The following CHID1 variants were observed in gnomAD, a reference collection of about 807,000 sequenced individuals.
CHID1 encodes the protein chitinase domain containing 1, also known as chitinase domain-containing protein 1.
A neutral mutation model predicts 55.4 loss-of-function variants in CHID1; 44 were observed. That is an observed-to-expected ratio of 0.79 (90% CI 0.62 to 1.02). The LOEUF is 1.02. Among genes scored for constraint, CHID1 ranks in the 50% least tolerant of loss-of-function variants. CHID1 has a pLI of 0.00. For synonymous variants in CHID1, 216 were observed against 212.9 expected, an observed-to-expected ratio of 1.01 and a Z score of -0.13; for missense variants, 491 against 515.3, an observed-to-expected ratio of 0.95 and a Z score of 0.46.
intron 8 of CHID1, among the ~76,000 whole-genome samples, chr11:891,408 T>C (rs1192238266): frequency 6.6e-6 from 1 of 152,164 alleles, no homozygotes; most frequent in Non-Finnish European, 1.5e-5. Flanking sequence ...GTTGTGAGCT[T>C]TGGTTGCTGT....
intron 6 of CHID1, among the ~76,000 whole-genome samples, chr11:899,627 G>C (rs28545763): frequency 0.99 from 151,124 of 152,324 alleles, 74,980 homozygotes; most frequent in Middle Eastern, 1. Flanking sequence ...GCATTCTGCC[G>C]ACCCATGCAC....
chr11:898,447 G>A (rs777644833), intron 7 of CHID1, among the ~76,000 whole-genome samples: 3 of 152,240 alleles, frequency 2.0e-5, no homozygotes, highest in Non-Finnish European at 4.4e-5. Flanking sequence ...AGGCACCCGC[G>A]GTGGAGACCG....
chr11:897,662 G>T (rs1851472481), intron 7 of CHID1, among the ~76,000 whole-genome samples: 1 of 152,188 alleles, frequency 6.6e-6, no homozygotes, highest in Admixed American at 6.5e-5. Context: ...CCCCACTGCA[G>T]TGCGCCTCCC....
chr11:907,993 C>T (rs1296495201), intron 1 of CHID1, among the ~76,000 whole-genome samples: 2 of 152,356 alleles, frequency 1.3e-5, no homozygotes, highest in Non-Finnish European at 2.9e-5. Context: ...CCTGTCTCTT[C>T]CCTGGGTGAG....
At position 869,694 on chromosome 11, in the gene CHID1, AC is replaced by A. The variant is rs759798640; in HGVS notation, c.*163del. 1 of 649,916 alleles carries A rather than the reference AC, an allele frequency of 1.5e-6. No homozygotes were observed. Among genetic ancestry groups the A allele is most frequent in the South Asian group, 1.8e-5 (1 of 54,814 alleles). The allele number at this position is 649,916 out of a possible 1,614,324, so 40.3% of individuals were successfully genotyped here. On this transcript the variant is annotated 3_prime_UTR_variant, in exon 13 of 13. Coordinates refer to ENST00000323578, the MANE Select transcript of CHID1 (RefSeq NM_023947.4). ...CAGCTAGGACTCATCCAGGGCAGGG[AC>A]CCCTCATGGGAGGATGGGGAGTCAC...
At chr11:897,415 T>A (rs1204522221) in intron 7 of CHID1, among the ~76,000 whole-genome samples, 1 of 152,122 alleles carries the variant, frequency 6.6e-6, no homozygotes, top group East Asian at 1.9e-4. Flanking sequence ...CCAGGATTAG[T>A]GAGAAGGCTG....
chr11:907,935 C>G (rs986031891), intron 1 of CHID1, among the ~76,000 whole-genome samples: 1 of 152,194 alleles, frequency 6.6e-6, no homozygotes, highest in Non-Finnish European at 1.5e-5. Context: ...CTGAAACCGT[C>G]CCCTTGACCT....
At chr11:892,148 C>T (rs1324225831) in intron 8 of CHID1, among the ~76,000 whole-genome samples, 2 of 152,068 alleles carry the variant, frequency 1.3e-5, no homozygotes, top group African/African-American at 4.8e-5. Context: ...AAAGACGCAG[C>T]GTGGGGGCCC....
intron 8 of CHID1, among the ~76,000 whole-genome samples, chr11:890,730 C>T (rs561056412): frequency 6.6e-6 from 1 of 152,310 alleles, no homozygotes; most frequent in Non-Finnish European, 1.5e-5. Flanking sequence ...TGGCTTTGCC[C>T]CTGGGTCTCC....
At chr11:877,446 T>C (rs1187261075) in intron 10 of CHID1, among the ~76,000 whole-genome samples, 2 of 152,214 alleles carry the variant, frequency 1.3e-5, no homozygotes, top group African/African-American at 4.8e-5. Flanking sequence ...GGGGTCTCTC[T>C]ATTTTGCATA....
In CHID1 at chr11:900,141, G is replaced by A. The variant is rs772719460; in HGVS notation, c.440-31C>T. The A allele has an allele frequency of 7.8e-6, 12 of 1,546,550 alleles. No individual in the cohort carries two copies. The East Asian group carries it at 9.0e-5, about 12-fold the overall frequency. On this transcript the variant is annotated intron_variant, in intron 5 of 12. Transcript: ENST00000323578. ...GGGGCAACAGACACACACGGGGGCC[G>A]TGACTGGGAGATGCTGGAGGGCCCC...
chr11:885,123 G>A (rs1308988461), intron 8 of CHID1, among the ~76,000 whole-genome samples: 1 of 152,212 alleles, frequency 6.6e-6, no homozygotes, highest in Non-Finnish European at 1.5e-5. Context: ...GTGAGGGGAG[G>A]GGGTCCCTGT....
chr11:903,383 T>C lies in CHID1; in HGVS notation c.112-272A>G, dbSNP rs1027112916. ...GAAGGCAGGCAGGCAGACAGACAGTTATGGTGGCTCCCTCCTTGCATGTGA... is the reference window on the plus strand; with the variant it reads ...GAAGGCAGGCAGGCAGACAGACAGTCATGGTGGCTCCCTCCTTGCATGTGA... On this transcript the variant is annotated intron_variant, in intron 2 of 12. Transcript: ENST00000323578. Among the ~76,000 whole-genome samples the C allele has an allele frequency of 6.6e-5, 10 of 152,268 alleles. No homozygotes were observed. The South Asian group carries it at 1.4e-3, about 22-fold the overall frequency.
At chr11:899,238 T>A in intron 7 of CHID1, 102 bp downstream of exon 7, 1 of 1,134,716 alleles carries the variant, frequency 8.8e-7, no homozygotes, top group South Asian at 1.3e-5. Flanking sequence ...GCACAGGGAC[T>A]GTGGAAGGAA....
chr11:910,815 G>T (rs982218145), upstream of CHID1: 50 of 1,104,262 alleles, frequency 4.5e-5, no homozygotes, highest in South Asian at 8.3e-4. Flanking sequence ...ACGCACGGCC[G>T]GAAAACGCTC....
intron 6 of CHID1, 59 bp from the exon 7 acceptor site, chr11:899,460 G>A (rs2134302430): frequency 2.0e-6 from 3 of 1,497,268 alleles, no homozygotes; most frequent in East Asian, 2.4e-5. Flanking sequence ...TGGGTGGAAA[G>A]ACAAGAAGCC....
At chr11:902,851 G>T in intron 3 of CHID1, 111 bp downstream of exon 3, 1 of 1,015,442 alleles carries the variant, frequency 9.8e-7, no homozygotes, top group Non-Finnish European at 1.5e-6. Flanking sequence ...AGCTCCGGGA[G>T]ATCAGAACAT....
chr11:900,822 T>TG (rs1851750630), intron 5 of CHID1, 114 bp downstream of exon 5: 1 of 853,814 alleles, frequency 1.2e-6, no homozygotes, highest in Non-Finnish European at 1.8e-6. Context: ...CAAAGTAACC[T>TG]GTGCCGCAGC....
chr11:900,364 C>T (rs183389491), intron 5 of CHID1, among the ~76,000 whole-genome samples: 2 of 152,164 alleles, frequency 1.3e-5, no homozygotes, highest in African/African-American at 4.8e-5. Context: ...ACCAGCTCCC[C>T]ACACGGCTCA....
Sources: gnomAD v4.1 joint callset for allele counts (sites outside exome capture counted in the v4.1 genomes callset) on GRCh38, gnomAD v4.1.1 for gene constraint, MANE v1.5 for transcripts, NCBI Gene and HGNC (gene_info 2026-07-23, HGNC 2026-07-21) for gene names.